The following CEP162 variants were observed in gnomAD, a reference collection of about 807,000 sequenced individuals.
The protein encoded by CEP162 is centrosomal protein of 162 kDa.
A neutral mutation model predicts 169.2 loss-of-function variants in CEP162; 141 were observed. The observed-to-expected ratio is 0.83, with a 90% CI of 0.73 to 0.96. The LOEUF is 0.96. Among genes scored for constraint, CEP162 ranks in the 40% least tolerant of loss-of-function variants. CEP162 has a pLI of 0.00. For missense variants in CEP162, 1,600 were observed against 1,587.2 expected (o/e 1.01, Z -0.14); for synonymous variants, 540 against 526.4 (o/e 1.03, Z -0.35).
At chr6:84,200,497 A>G (rs1384763878) in intron 9 of CEP162, among the ~76,000 whole-genome samples, 1 of 152,214 alleles carries the variant, frequency 6.6e-6, no homozygotes, top group African/African-American at 2.4e-5. Context: ...AATACTCTGG[A>G]GAGGCATAGA....
intron 2 of CEP162, among the ~76,000 whole-genome samples, chr6:84,224,744 A>G (rs1351813348): frequency 6.6e-6 from 1 of 151,148 alleles, no homozygotes; most frequent in Non-Finnish European, 1.5e-5. Flanking sequence ...AGAGAGACAC[A>G]GACAGAAGGG....
chr6:84,212,309 AC>A (rs1191063795), intron 6 of CEP162, among the ~76,000 whole-genome samples: 4 of 152,196 alleles, frequency 2.6e-5, no homozygotes, highest in Non-Finnish European at 5.9e-5. Context: ...CCTTAAAAGT[AC>A]TTTTAAATGA....
At position 84,175,335 on chromosome 6, in the gene CEP162, C is replaced by A. The variant is rs565572938; in HGVS notation, c.1676G>T (p.Gly559Val). ...AGCTGCAGGCTTGATGAGTTTTGTT[C>A]CAGATAAGATTTCTAAATATTATAA... ...NQPRKKEILS[G>V]TKLIKPAALD... Residue 559 changes from glycine to valine, a missense_variant, in exon 14 of 27, where the codon GGA becomes GTA. Coordinates refer to ENST00000403245, the MANE Select transcript of CEP162 (RefSeq NM_014895.4). 30 of 1,539,198 alleles carry A rather than the reference C, an allele frequency of 1.9e-5. No individual in the cohort carries two copies. In the Admixed American group the frequency reaches 5.1e-4, roughly 26 times the overall value.
chr6:84,169,001 A>G (rs543644035), intron 18 of CEP162, among the ~76,000 whole-genome samples: 2 of 152,342 alleles, frequency 1.3e-5, no homozygotes, highest in East Asian at 1.9e-4. Context: ...TTTGTTTGAA[A>G]TAAGGTATAC....
intron 7 of CEP162, among the ~76,000 whole-genome samples, chr6:84,203,321 T>C (rs2099545407): frequency 6.6e-6 from 1 of 152,248 alleles, no homozygotes; most frequent in Non-Finnish European, 1.5e-5. Context: ...CTATACTTCA[T>C]AAAGGCAAGT....
intron 9 of CEP162, among the ~76,000 whole-genome samples, chr6:84,195,386 A>T (rs2099541704): frequency 6.6e-6 from 1 of 152,184 alleles, no homozygotes; most frequent in Non-Finnish European, 1.5e-5. Context: ...AATTCCTTTG[A>T]CGGATTCTAC....
intron 15 of CEP162, 67 bp from the exon 16 acceptor site, chr6:84,174,255 T>C (rs1260091682): frequency 1.3e-5 from 17 of 1,294,416 alleles, no homozygotes; most frequent in Non-Finnish European, 1.8e-5. Flanking sequence ...TGAGAAAGAA[T>C]AACAGGAAAC....
At chr6:84,145,036 G>C (rs1005683139) in intron 25 of CEP162, among the ~76,000 whole-genome samples, 2 of 152,038 alleles carry the variant, frequency 1.3e-5, no homozygotes, top group African/African-American at 4.8e-5. Flanking sequence ...TCATATTTCA[G>C]AATGTGCATG....
chr6:84,125,304 G>A (rs1447791426), intron 26 of CEP162, 28 bp from the exon 27 acceptor site: 2 of 1,587,574 alleles, frequency 1.3e-6, no homozygotes, highest in East Asian at 2.2e-5. Context: ...CCACATTGCT[G>A]TTATAGTTCA....
In CEP162 at chr6:84,145,031, T is replaced by A. The variant is rs375457870; in HGVS notation, c.3870+1656A>T. On this transcript the variant is annotated intron_variant, in intron 25 of 26. Transcript: ENST00000403245. ...TCAAGGCTTTGATTGGAATGTCATA[T>A]TTCAGAATGTGCATGGAATCAGATA... Among the ~76,000 whole-genome samples the A allele has an allele frequency of 1.1e-4, 16 of 152,276 alleles. No individual in the cohort carries two copies. In the South Asian group the frequency reaches 2.5e-3, roughly 24 times the overall value.
chr6:84,162,057 CAT>C, intron 19 of CEP162, 148 bp from the exon 20 acceptor site: 1 of 584,332 alleles, frequency 1.7e-6, no homozygotes, highest in South Asian at 2.3e-5. Context: ...ATGTATACAA[CAT>C]AGTGTCTAGC....
intron 25 of CEP162, among the ~76,000 whole-genome samples, chr6:84,134,352 T>G (rs2099512967): frequency 6.6e-6 from 1 of 152,110 alleles, no homozygotes; most frequent in Non-Finnish European, 1.5e-5. Flanking sequence ...CAACCCTCTT[T>G]CCAGGGGTGT....
At chr6:84,201,859 G>C in intron 7 of CEP162, 92 bp from the exon 8 acceptor site, 1 of 650,770 alleles carries the variant, frequency 1.5e-6, no homozygotes, top group Non-Finnish European at 2.7e-6. Flanking sequence ...TGAAATCCAG[G>C]GCTTTTTATT....
chr6:84,193,473 T>C (rs1376348805), intron 11 of CEP162, 136 bp downstream of exon 11: 2 of 485,590 alleles, frequency 4.1e-6, no homozygotes, highest in African/African-American at 4.0e-5. Context: ...TAAGGACAAA[T>C]ATAAAAAGAA....
chr6:84,164,332 A>G (rs2099526925), intron 18 of CEP162, among the ~76,000 whole-genome samples: 1 of 152,240 alleles, frequency 6.6e-6, no homozygotes, highest in Admixed American at 6.5e-5. Flanking sequence ...CATTTGACTC[A>G]GCAATCCCAT....
At chr6:84,222,154 C>A (rs911517889) in intron 2 of CEP162, among the ~76,000 whole-genome samples, 2 of 152,094 alleles carry the variant, frequency 1.3e-5, no homozygotes, top group African/African-American at 4.8e-5. Context: ...TTCACTTAAC[C>A]CCTTATAATC....
chr6:84,188,161 C>G (rs1209432506), intron 11 of CEP162, among the ~76,000 whole-genome samples: 1 of 149,916 alleles, frequency 6.7e-6, no homozygotes, highest in Non-Finnish European at 1.5e-5. Context: ...CCCCAAATAT[C>G]CAGAGAACTG....
intron 9 of CEP162, among the ~76,000 whole-genome samples, chr6:84,199,810 C>A (rs2099543717): frequency 1.3e-5 from 2 of 152,096 alleles, no homozygotes. Flanking sequence ...TGATATGAGA[C>A]CATAACAAAT....
intron 26 of CEP162, among the ~76,000 whole-genome samples, 196 bp downstream of exon 26, chr6:84,126,182 T>C (rs2129182001): frequency 6.6e-6 from 1 of 152,214 alleles, no homozygotes; most frequent in Non-Finnish European, 1.5e-5. Flanking sequence ...GATATAAGGA[T>C]ACCAATCTTC....
Sources: allele counts gnomAD v4.1 joint callset (sites outside exome capture counted in the v4.1 genomes callset), GRCh38; gene constraint gnomAD v4.1.1; transcripts MANE v1.5; gene names NCBI Gene and HGNC (gene_info 2026-07-23, HGNC 2026-07-21).